Variants in LEKR1 observed in about 807,000 individuals in gnomAD.
LEKR1 encodes the protein leucine, glutamate and lysine rich 1, also known as protein LEKR1.
In LEKR1, 59 loss-of-function variants were observed where a neutral mutation model predicts 72.4. The observed-to-expected ratio is 0.82, with a 90% CI of 0.66 to 1.01. LEKR1 has a LOEUF of 1.01. Among genes scored for constraint, LEKR1 ranks in the 50% least tolerant of loss-of-function variants. The probability of loss-of-function intolerance (pLI) is 0.00; values close to 1 mark genes in which losing one functional copy is unlikely to be tolerated. For missense variants in LEKR1, 728 were observed against 759.2 expected (o/e 0.96, Z 0.48); for synonymous variants, 257 against 263.2 (o/e 0.98, Z 0.23).
intron 3 of LEKR1, among the ~76,000 whole-genome samples, chr3:156,882,548 T>A (rs1421397967): frequency 6.6e-6 from 1 of 152,090 alleles, no homozygotes; most frequent in Non-Finnish European, 1.5e-5. Context: ...TTTTACACTG[T>A]TGGTGGGAGT....
intron 5 of LEKR1, among the ~76,000 whole-genome samples, chr3:156,940,924 C>T (rs1371283018): frequency 3.9e-5 from 6 of 151,976 alleles, no homozygotes; most frequent in African/African-American, 9.7e-5. Context: ...ACATAGATAT[C>T]GTTTTGGTAT....
In LEKR1 at chr3:157,017,948, C is replaced by CA. The variant is rs58950224; in HGVS notation, c.1203+6466dup. ...TGGGCCACAGAGCGAGACTCTGTCT[C>CA]AAAAAAAAAAAAAAAAAAAAAAAAG... On this transcript the variant is annotated intron_variant, in intron 10 of 12. Transcript: ENST00000356539. Among the ~76,000 whole-genome samples, 576 of 82,768 alleles carry CA rather than the reference C, an allele frequency of 7.0e-3. 11 individuals carry two copies. Among genetic ancestry groups the CA allele is most frequent in the Middle Eastern group, 0.033 (6 of 184 alleles). 54.3% of individuals were successfully genotyped at this position (82,768 alleles called of 152,430 possible). A position where few individuals can be genotyped will look rare whatever the true frequency, so the allele number is the denominator to read the frequency against.
At chr3:156,994,749 A>T (rs1233379150) in intron 9 of LEKR1, among the ~76,000 whole-genome samples, 1 of 152,250 alleles carries the variant, frequency 6.6e-6, no homozygotes, top group Non-Finnish European at 1.5e-5. Flanking sequence ...CTTTGAAAAG[A>T]CACCATGGAA....
At position 156,992,030 on chromosome 3, in the gene LEKR1, A is replaced by G. The variant is rs576250772; in HGVS notation, c.828-623A>G. Among the ~76,000 whole-genome samples, 7 of 152,330 alleles carry G rather than the reference A, an allele frequency of 4.6e-5. No homozygotes were observed. In the East Asian group the frequency reaches 1.4e-3, roughly 29 times the overall value. ...AATCTCTGTCCAGGATAACAGCTCAATCTCAGTTCAGTTCTTTTTCTTTAA... is the reference window on the plus strand; with the variant it reads ...AATCTCTGTCCAGGATAACAGCTCAGTCTCAGTTCAGTTCTTTTTCTTTAA... On this transcript the variant is annotated intron_variant, in intron 7 of 12. Coordinates refer to ENST00000356539, the MANE Select transcript of LEKR1 (RefSeq NM_001004316.3).
At chr3:156,916,502 G>A (rs981427060) in intron 3 of LEKR1, among the ~76,000 whole-genome samples, 2 of 151,660 alleles carry the variant, frequency 1.3e-5, no homozygotes, top group African/African-American at 4.8e-5. Context: ...TTCCTATTCA[G>A]TTTGTTTTGT....
chr3:156,965,717 A>G (rs992531483), intron 6 of LEKR1, among the ~76,000 whole-genome samples: 4 of 152,304 alleles, frequency 2.6e-5, no homozygotes, highest in Admixed American at 1.3e-4. Flanking sequence ...AAACCCTAAA[A>G]TGAAATGAAT....
chr3:156,935,580 CTTAAAT>C (rs1389938931), intron 5 of LEKR1, among the ~76,000 whole-genome samples: 3 of 152,004 alleles, frequency 2.0e-5, no homozygotes, highest in Non-Finnish European at 4.4e-5. Context: ...TAATCTATAT[CTTAAAT>C]TTAAGTATAG....
intron 6 of LEKR1, among the ~76,000 whole-genome samples, chr3:156,953,582 A>G (rs778966996): frequency 1.3e-5 from 2 of 151,524 alleles, no homozygotes; most frequent in African/African-American, 2.4e-5. Context: ...TTCAGCTCCC[A>G]CTTACAAGTG....
chr3:157,028,574 CT>C (rs1444503506), intron 12 of LEKR1, among the ~76,000 whole-genome samples, 172 bp downstream of exon 12: 1 of 152,038 alleles, frequency 6.6e-6, no homozygotes, highest in East Asian at 1.9e-4. Flanking sequence ...GTGCTCTGTC[CT>C]TAACTTTAGG....
At position 156,920,646 on chromosome 3, in the gene LEKR1, A is replaced by G. The variant is rs1576825489; in HGVS notation, c.335A>G (p.His112Arg). The G allele has an allele frequency of 1.4e-6, 2 of 1,451,214 alleles. No individual in the cohort carries two copies. Among genetic ancestry groups the G allele is most frequent in the Non-Finnish European group, 9.3e-7 (1 of 1,074,964 alleles). The allele number at this position is 1,451,214 out of a possible 1,614,324, so 89.9% of individuals were successfully genotyped here. A position where few individuals can be genotyped will look rare whatever the true frequency, so the allele number is the denominator to read the frequency against. The change falls in exon 4 of 13, where the codon CAT becomes CGT. Residue 112 changes from histidine (H) to arginine (R), a missense_variant. Transcript: ENST00000356539. The part of the protein sequence containing the change: ...EFQKVKKQLS[H>R]LQDELKIKYR... The stretch of plus-strand genomic sequence containing the variant: ...CAGAAAGTAAAGAAACAACTGAGTC[A>G]TTTGCAAGATGAGCTAAAAATTAAA...
At chr3:156,899,789 T>TATATACAC (rs1160171701) in intron 3 of LEKR1, among the ~76,000 whole-genome samples, 18 of 40,182 alleles carry the variant, frequency 4.5e-4, no homozygotes, top group Non-Finnish European at 1.1e-3. Flanking sequence ...TATATACACA[T>TATATACAC]ATATACATGT....
intron 1 of LEKR1, among the ~76,000 whole-genome samples, chr3:156,828,204 A>G (rs1003888371): frequency 7.2e-5 from 11 of 152,252 alleles, no homozygotes; most frequent in African/African-American, 2.2e-4. Context: ...AACACAGGGA[A>G]CAAGGAATCT....
intron 6 of LEKR1, among the ~76,000 whole-genome samples, chr3:156,976,033 G>C (rs1729659146): frequency 6.6e-6 from 1 of 152,072 alleles, no homozygotes; most frequent in Admixed American, 6.6e-5. Flanking sequence ...TGTGCAGGTG[G>C]CTTAATCTCT....
intron 3 of LEKR1, among the ~76,000 whole-genome samples, chr3:156,893,844 A>G (rs1482352955): frequency 6.6e-6 from 1 of 152,194 alleles, no homozygotes; most frequent in African/African-American, 2.4e-5. Context: ...CCATAGTCAA[A>G]GAAACTATCT....
chr3:156,984,226 A>G (rs200520940), intron 7 of LEKR1, among the ~76,000 whole-genome samples: 12 of 152,292 alleles, frequency 7.9e-5, no homozygotes, highest in East Asian at 5.8e-4. Flanking sequence ...TAGAAATGAA[A>G]GTGTGGGCTG....
chr3:156,900,642 A>G (rs565644862), intron 3 of LEKR1, among the ~76,000 whole-genome samples: 5 of 152,358 alleles, frequency 3.3e-5, no homozygotes, highest in Non-Finnish European at 5.9e-5. Context: ...GAAAATATTT[A>G]GTGAAACACT....
At chr3:156,909,752 T>C (rs1269905179) in intron 3 of LEKR1, among the ~76,000 whole-genome samples, 2 of 152,106 alleles carry the variant, frequency 1.3e-5, no homozygotes, top group Non-Finnish European at 2.9e-5. Context: ...ATACATCCCA[T>C]TATGATTAGT....
intron 12 of LEKR1, among the ~76,000 whole-genome samples, chr3:157,032,804 T>C (rs901005171): frequency 2.8e-5 from 3 of 107,072 alleles, no homozygotes. Context: ...GCTCCACAGA[T>C]ACTGTGGTTT....
At chr3:157,037,327 T>C (rs990125200) in intron 12 of LEKR1, among the ~76,000 whole-genome samples, 1 of 152,088 alleles carries the variant, frequency 6.6e-6, no homozygotes, top group African/African-American at 2.4e-5. Flanking sequence ...TTTAGCTATA[T>C]GTAATCCATT....
Sources: allele counts gnomAD v4.1 joint callset (sites outside exome capture counted in the v4.1 genomes callset), GRCh38; gene constraint gnomAD v4.1.1; transcripts MANE v1.5; gene names NCBI Gene and HGNC (gene_info 2026-07-23, HGNC 2026-07-21).